ZNF69: variants seen among roughly 807,000 people sequenced by gnomAD.
The protein encoded by ZNF69 is ZNF3.
Under a neutral mutation model 50.9 loss-of-function variants are expected in ZNF69, and 47 were observed. The observed-to-expected ratio is 0.92, with a 90% CI of 0.73 to 1.18. The LOEUF is 1.18. ZNF69 is among the 50% of genes most tolerant of loss of function. The probability of loss-of-function intolerance (pLI) is 0.00; values close to 1 mark genes in which losing one functional copy is unlikely to be tolerated. For synonymous variants in ZNF69, 216 were observed against 223.1 expected (o/e 0.97, Z 0.29); for missense variants, 717 against 675.1 (o/e 1.06, Z -0.69).
intron 1 of ZNF69, among the ~76,000 whole-genome samples, chr19:11,894,570 T>G (rs771983560): frequency 6.6e-6 from 1 of 152,162 alleles, no homozygotes; most frequent in Non-Finnish European, 1.5e-5. Flanking sequence ...TGACCTAATA[T>G]TCCCACAGCT....
the ZNF69 span, among the ~76,000 whole-genome samples, chr19:11,946,521 TG>T: frequency 5.3e-5 from 8 of 152,116 alleles, no homozygotes; most frequent in Non-Finnish European, 1.0e-4. Flanking sequence ...TCAACCACTG[TG>T]GGGGGTCTAA....
At chr19:11,957,346 G>T in the ZNF69 span, among the ~76,000 whole-genome samples, 1 of 151,520 alleles carries the variant, frequency 6.6e-6, no homozygotes, top group African/African-American at 2.4e-5. Context: ...TGCCTGCTTC[G>T]GCCTCCCAAA....
downstream of ZNF69, among the ~76,000 whole-genome samples, chr19:11,909,354 G>T (rs572007721): frequency 6.6e-6 from 1 of 152,248 alleles, no homozygotes; most frequent in African/African-American, 2.4e-5. Flanking sequence ...CCAAAGCCTG[G>T]CAGAGACACA....
chr19:11,901,074 A>G (rs1972234200), intron 1 of ZNF69, among the ~76,000 whole-genome samples: 2 of 152,150 alleles, frequency 1.3e-5, no homozygotes, highest in Admixed American at 6.5e-5. Context: ...TTGTGCCACC[A>G]TGCCTAATTT....
intron 1 of ZNF69, among the ~76,000 whole-genome samples, chr19:11,891,031 C>T (rs1231507186): frequency 1.3e-5 from 2 of 152,014 alleles, no homozygotes; most frequent in Non-Finnish European, 2.9e-5. Flanking sequence ...TCTTATATTA[C>T]CAGGAAAAGA....
chr19:11,906,935 A>C (rs889021558), downstream of ZNF69, among the ~76,000 whole-genome samples: 1 of 152,190 alleles, frequency 6.6e-6, no homozygotes, highest in East Asian at 1.9e-4. Context: ...TTGAAAAAAG[A>C]TTAGACAAAA....
the ZNF69 span, chr19:11,948,179 T>C: frequency 2.9e-6 from 4 of 1,390,610 alleles, no homozygotes; most frequent in Non-Finnish European, 3.0e-6. Context: ...GCCTACACTT[T>C]GATGGACAGT....
the ZNF69 span, chr19:11,925,114 T>C: frequency 6.9e-7 from 1 of 1,456,072 alleles, no homozygotes; most frequent in Non-Finnish European, 9.4e-7. Context: ...TTTCCTCACC[T>C]TCCTCGCTGC....
chr19:11,964,519 TGAA>T, the ZNF69 span, among the ~76,000 whole-genome samples: 1 of 152,024 alleles, frequency 6.6e-6, no homozygotes, highest in African/African-American at 2.4e-5. Flanking sequence ...CTGGTGAAAA[TGAA>T]GATCTGGAAG....
the ZNF69 span, among the ~76,000 whole-genome samples, chr19:11,942,442 C>T: frequency 3.3e-5 from 5 of 152,184 alleles, no homozygotes; most frequent in African/African-American, 4.8e-5. Flanking sequence ...CCAGGCAGCT[C>T]GTTTTTCTCC....
chr19:11,907,325 G>A (rs1026176846), downstream of ZNF69, among the ~76,000 whole-genome samples: 9 of 152,178 alleles, frequency 5.9e-5, no homozygotes, highest in East Asian at 3.9e-4. Context: ...TACAGAGAAC[G>A]CCACAAAGAT....
the ZNF69 span, among the ~76,000 whole-genome samples, chr19:11,946,253 A>C: frequency 4.6e-5 from 7 of 151,598 alleles, no homozygotes; most frequent in Admixed American, 4.6e-4. Flanking sequence ...TTTCTCCCGC[A>C]GCTTCACATT....
At chr19:11,974,065 TTTCTTTTC>T in the ZNF69 span, among the ~76,000 whole-genome samples, 1 of 140,770 alleles carries the variant, frequency 7.1e-6, no homozygotes, top group Admixed American at 7.1e-5. Flanking sequence ...TCTTTCCTTC[TTTCTTTTC>T]TTTCTTTCTT....
chr19:11,915,859 G>A (rs898911440), downstream of ZNF69, among the ~76,000 whole-genome samples: 2 of 152,042 alleles, frequency 1.3e-5, no homozygotes, highest in South Asian at 2.1e-4. Context: ...TGCTGAGATC[G>A]CGCCATTGCA....
At chr19:11,922,891 C>A in the ZNF69 span, among the ~76,000 whole-genome samples, 1 of 151,466 alleles carries the variant, frequency 6.6e-6, no homozygotes, top group Non-Finnish European at 1.5e-5. Flanking sequence ...CAGCTCACAG[C>A]AGCCTCAAAC....
chr19:11,962,349 T>C, the ZNF69 span, among the ~76,000 whole-genome samples: 1 of 152,210 alleles, frequency 6.6e-6, no homozygotes, highest in East Asian at 1.9e-4. Flanking sequence ...AAGCATTATA[T>C]ACTGCCAGCA....
At chr19:11,949,144 G>C in the ZNF69 span, 7 of 1,611,498 alleles carry the variant, frequency 4.3e-6, no homozygotes, top group Non-Finnish European at 5.9e-6. Context: ...CTTTTATTCT[G>C]CCAAGTCATT....
the ZNF69 span, among the ~76,000 whole-genome samples, chr19:11,938,082 G>A: frequency 8.6e-5 from 13 of 151,220 alleles, no homozygotes; most frequent in South Asian, 8.4e-4. Context: ...TTTTTTGTTC[G>A]TTTGGAGACG....
chr19:11,910,502 T>G (rs1185520152), downstream of ZNF69, among the ~76,000 whole-genome samples: 1 of 152,092 alleles, frequency 6.6e-6, no homozygotes, highest in Admixed American at 6.6e-5. Flanking sequence ...AATAGAGCCC[T>G]CAGAAATAAT....
Sources: gnomAD v4.1 joint callset for allele counts (sites outside exome capture counted in the v4.1 genomes callset) on GRCh38, gnomAD v4.1.1 for gene constraint, MANE v1.5 for transcripts, NCBI Gene and HGNC (gene_info 2026-07-23, HGNC 2026-07-21) for gene names.